Variants in STAT5B observed in about 807,000 individuals in gnomAD.
STAT5B encodes signal transducer and activator of transcription 5B.
In STAT5B, 21 loss-of-function variants were observed where a neutral mutation model predicts 107.8. The ratio of observed to expected loss-of-function variants is 0.19; its 90% confidence interval spans 0.14 to 0.28. The LOEUF (loss-of-function observed/expected upper bound fraction) is 0.28. Among genes scored for constraint, STAT5B ranks in the 10% least tolerant of loss-of-function variants. STAT5B has a pLI of 1.00. For missense variants in STAT5B, 565 were observed against 1,008.2 expected, an observed-to-expected ratio of 0.56 and a Z score of 5.95; for synonymous variants, 325 against 401.7, an observed-to-expected ratio of 0.81 and a Z score of 2.28.
chr17:42,228,942 T>TAACAA (rs1193861399), intron 2 of STAT5B, among the ~76,000 whole-genome samples: 2 of 151,936 alleles, frequency 1.3e-5, no homozygotes, highest in East Asian at 1.9e-4. Context: ...TACGAAAACA[T>TAACAA]AACAAAACAA....
chr17:42,210,624 C>A, intron 13 of STAT5B, 127 bp from the exon 14 acceptor site: 1 of 900,736 alleles, frequency 1.1e-6, no homozygotes. Context: ...ACAAATATCC[C>A]CGCCTACCTG....
chr17:42,280,244 C>T (rs2080790121), upstream of STAT5B, among the ~76,000 whole-genome samples: 1 of 152,134 alleles, frequency 6.6e-6, no homozygotes, highest in African/African-American at 2.4e-5. Flanking sequence ...CAGCCTGACC[C>T]AGGAGAGAGG....
rs1431611507 is a variant in STAT5B at position 42,262,939 on chromosome 17, T to A, written c.-11+13309A>T. Among the ~76,000 whole-genome samples, 3 of 43,352 alleles carry A rather than the reference T, an allele frequency of 6.9e-5. 1 individual carries two copies. Among genetic ancestry groups the A allele is most frequent in the African/African-American group, 5.6e-4 (3 of 5,332 alleles). The allele number at this position is 43,352 out of a possible 152,430, so 28.4% of individuals were successfully genotyped here. A position where few individuals can be genotyped will look rare whatever the true frequency, so the allele number is the denominator to read the frequency against. ...ATATGTGTGTATATATATATGTATA[T>A]ATATGTGTGTGTGTGTGTGTGTGTG... On this transcript the variant is annotated intron_variant, in intron 1 of 18. Coordinates refer to ENST00000293328, the MANE Select transcript of STAT5B (RefSeq NM_012448.4).
intron 16 of STAT5B, among the ~76,000 whole-genome samples, chr17:42,204,807 T>C (rs1202348360): frequency 6.6e-6 from 1 of 152,074 alleles, no homozygotes; most frequent in African/African-American, 2.4e-5. Flanking sequence ...AGAGATGGAG[T>C]CTCACTATGT....
At chr17:42,241,255 T>A (rs11650435) in intron 1 of STAT5B, among the ~76,000 whole-genome samples, 5 of 151,232 alleles carry the variant, frequency 3.3e-5, no homozygotes, top group South Asian at 2.1e-4. Context: ...CAGGAGAATC[T>A]CTTGAACCTG....
intron 1 of STAT5B, among the ~76,000 whole-genome samples, chr17:42,250,181 T>C (rs2080486665): frequency 6.6e-6 from 1 of 152,176 alleles, no homozygotes; most frequent in Non-Finnish European, 1.5e-5. Context: ...TGTCGTTGGC[T>C]CTATGTGGTT....
rs117371535 is a variant in STAT5B, at chr17:42,232,236, T to C, written c.-10-99A>G. 2.1e-3 allele frequency: 2,524 copies of C among 1,227,982 alleles called. 3 individuals carry two copies. Among genetic ancestry groups the C allele is most frequent in the Non-Finnish European group, 2.5e-3 (2,330 of 939,088 alleles). The allele number at this position is 1,227,982 out of a possible 1,614,324, so 76.1% of individuals were successfully genotyped here. ...ACTTAGTTACCAAGGTAAATGTTTT[T>C]ATTTTATTATTTATTTTTATTTTTA... On this transcript the variant is annotated intron_variant, in intron 1 of 18. Coordinates refer to ENST00000293328, the MANE Select transcript of STAT5B (RefSeq NM_012448.4).
chr17:42,276,568 C>G (rs1407084938), upstream of STAT5B: 1 of 151,322 alleles, frequency 6.6e-6, no homozygotes, highest in Non-Finnish European at 1.5e-5. This position sits in a 1 kb window ranked among gnomAD's most constrained non-coding sequence, Gnocchi z 4.8. Flanking sequence ...GACCCGGACC[C>G]CCTCGGCACA....
At position 42,217,387 on chromosome 17, in the gene STAT5B, A is replaced by C. The variant is rs2080181180; in HGVS notation, c.1247T>G (p.Phe416Cys). 1.9e-6 allele frequency: 3 copies of C among 1,614,218 alleles called. No individual in the cohort carries two copies. The highest frequency in any genetic ancestry group is 2.5e-6 in the Non-Finnish European group (3 of 1,180,034). Residue 416 changes from phenylalanine (F) to cysteine (C), a missense_variant, in exon 10 of 19, where the codon TTC becomes TGC. This residue lies in a region of STAT5B where 70 missense variants were observed against 73.2 expected (regional missense o/e 0.96). Transcript: ENST00000293328. ...TTCTTCCACCCTCACCATATTCCTG[A>C]AGTGGGCACTAAGGGTGCCTGTGGC... ...HQATGTLSAH[F>C]RNMSLKRIKR...
rs577518190 is a variant in STAT5B at position 42,206,305 on chromosome 17, G to A, written c.2077+1253C>T. On this transcript the variant is annotated intron_variant, in intron 16 of 18. Transcript: ENST00000293328. ...GGGTTTCACCATGTTGGCCAGGCTG[G>A]TTTCAAACTCCTGACCTCAGGTGAT... Among the ~76,000 whole-genome samples the A allele has an allele frequency of 3.9e-5, 6 of 152,262 alleles. No individual in the cohort carries two copies. The South Asian group carries it at 8.3e-4, about 21-fold the overall frequency.
intron 1 of STAT5B, among the ~76,000 whole-genome samples, chr17:42,246,793 C>G (rs888734191): frequency 6.6e-6 from 1 of 152,150 alleles, no homozygotes; most frequent in Non-Finnish European, 1.5e-5. Flanking sequence ...TTTCTAAACA[C>G]AAACAAACAC....
chr17:42,281,129 G>A (rs1236116316), upstream of STAT5B, among the ~76,000 whole-genome samples: 2 of 147,144 alleles, frequency 1.4e-5, no homozygotes, highest in East Asian at 2.0e-4. Context: ...GCGAGATTCC[G>A]TCTCAAAAAA....
At chr17:42,216,272 A>G (rs1297504999) in intron 11 of STAT5B, among the ~76,000 whole-genome samples, 166 bp from the exon 12 acceptor site, 3 of 152,062 alleles carry the variant, frequency 2.0e-5, no homozygotes, top group Non-Finnish European at 4.4e-5. Context: ...GACTTTTCAT[A>G]CTGGCACAAT....
intron 1 of STAT5B, among the ~76,000 whole-genome samples, chr17:42,273,275 A>C (rs996057813): frequency 2.0e-5 from 3 of 152,234 alleles, no homozygotes; most frequent in African/African-American, 7.2e-5. Context: ...CAGAATTAAA[A>C]ACATTTTCTT....
At chr17:42,237,952 C>T (rs1000169291) in intron 1 of STAT5B, among the ~76,000 whole-genome samples, 1 of 152,194 alleles carries the variant, frequency 6.6e-6, no homozygotes, top group South Asian at 2.1e-4. Context: ...ACTGTTCTTA[C>T]TGTTACCTTA....
At chr17:42,261,545 A>AT (rs1332828142) in intron 1 of STAT5B, among the ~76,000 whole-genome samples, 1 of 151,848 alleles carries the variant, frequency 6.6e-6, no homozygotes, top group Non-Finnish European at 1.5e-5. Context: ...GTTAAGATAG[A>AT]TTTTTTATTT....
At chr17:42,206,515 A>T (rs999735736) in intron 16 of STAT5B, among the ~76,000 whole-genome samples, 2 of 152,222 alleles carry the variant, frequency 1.3e-5, no homozygotes, top group African/African-American at 4.8e-5. Flanking sequence ...TAGTCACTAA[A>T]TCATCCATAG....
chr17:42,209,700 C>T (rs2080113818), intron 15 of STAT5B, among the ~76,000 whole-genome samples: 1 of 151,930 alleles, frequency 6.6e-6, no homozygotes, highest in African/African-American at 2.4e-5. Context: ...AGAGTGAGAC[C>T]CTGTTTCAAA....
rs1292972704 is a variant in STAT5B at position 42,217,217 on chromosome 17, T to G, written c.1323A>C (p.Thr441=). The change falls in exon 11 of 19, where the codon ACA becomes ACC. Residue 441 remains threonine (T), a synonymous_variant. Transcript: ENST00000293328. ...GAESVTEEKF[T]ILFESQFSVG... The stretch of plus-strand genomic sequence containing the variant: ...CACTGAACTGGGATTCAAACAGGAT[T>G]GTAAATTTTTCTTCTGTCACCGACT... The G allele has an allele frequency of 5.0e-6, 8 of 1,614,050 alleles. No individual in the cohort carries two copies. In the Admixed American group the frequency reaches 1.0e-4, roughly 20 times the overall value.
Sources: allele counts gnomAD v4.1 joint callset (sites outside exome capture counted in the v4.1 genomes callset), GRCh38; gene constraint gnomAD v4.1.1; regional missense constraint gnomAD v4.1.1; non-coding constraint Gnocchi (gnomAD v3.1); transcripts MANE v1.5; gene names NCBI Gene and HGNC (gene_info 2026-07-23, HGNC 2026-07-21).